Variants in CTIF observed in about 807,000 individuals in gnomAD.
CTIF encodes the protein CBP80/20-dependent translation initiation factor.
Under a neutral mutation model 66.0 loss-of-function variants are expected in CTIF, and 21 were observed. That is an observed-to-expected ratio of 0.32 (90% CI 0.23 to 0.46). The LOEUF (loss-of-function observed/expected upper bound fraction) is 0.46, where lower values mean the gene tolerates loss of function less well. Ranked by LOEUF, CTIF falls within the 20% of genes least tolerant of loss-of-function variation. The pLI is 1.00. For synonymous variants in CTIF, 345 were observed against 326.4 expected (o/e 1.06, Z -0.62); for missense variants, 739 against 812.7 (o/e 0.91, Z 1.10).
chr18:48,860,836 C>T lies in CTIF; in HGVS notation c.*1277C>T, dbSNP rs1301480351. The T allele has an allele frequency of 6.6e-6, 1 of 152,174 alleles. No individual in the cohort carries two copies. The highest frequency in any genetic ancestry group is 1.5e-5 in the Non-Finnish European group (1 of 68,054). 9.4% of individuals were successfully genotyped at this position (152,174 alleles called of 1,614,324 possible). On this transcript the variant is annotated 3_prime_UTR_variant, in exon 12 of 12. Coordinates refer to ENST00000256413, the MANE Select transcript of CTIF (RefSeq NM_014772.3). ...CAGCGGGGTCGCCAGATGAAGCTTCCCAGCCGGGAAACAAGACGGGGTTTC... is the reference window on the plus strand; with the variant it reads ...CAGCGGGGTCGCCAGATGAAGCTTCTCAGCCGGGAAACAAGACGGGGTTTC...
intron 1 of CTIF, among the ~76,000 whole-genome samples, chr18:48,616,649 T>G (rs879661287): frequency 1.6e-4 from 24 of 152,102 alleles, no homozygotes; most frequent in Admixed American, 1.1e-3. Context: ...GTGAAGTGAG[T>G]GGAGGCAGAT....
At chr18:48,573,990 C>T (rs969442834) in intron 1 of CTIF, among the ~76,000 whole-genome samples, 10 of 152,232 alleles carry the variant, frequency 6.6e-5, no homozygotes, top group Non-Finnish European at 7.3e-5. Context: ...CCATACAGGT[C>T]ACCTTCCACG....
At chr18:48,759,308 TC>T (rs1285228832) in intron 8 of CTIF, among the ~76,000 whole-genome samples, 2 of 152,098 alleles carry the variant, frequency 1.3e-5, no homozygotes, top group Admixed American at 1.3e-4. Flanking sequence ...TCCTGGGGCT[TC>T]CGCAGAGCTC....
intron 1 of CTIF, among the ~76,000 whole-genome samples, chr18:48,586,536 G>A (rs1360069330): frequency 6.6e-6 from 1 of 151,988 alleles, no homozygotes; most frequent in African/African-American, 2.4e-5. Context: ...CTCCCAAAGT[G>A]CTGGGATTAT....
At chr18:48,704,793 C>T (rs1032763448) in intron 6 of CTIF, among the ~76,000 whole-genome samples, 1 of 152,208 alleles carries the variant, frequency 6.6e-6, no homozygotes, top group African/African-American at 2.4e-5. Context: ...TCAGGCCATT[C>T]AGAGGAACCA....
intron 7 of CTIF, among the ~76,000 whole-genome samples, chr18:48,722,558 C>T (rs1484076514): frequency 6.6e-6 from 1 of 152,048 alleles, no homozygotes; most frequent in Non-Finnish European, 1.5e-5. Context: ...CCCAGGACCG[C>T]AAGATTCACA....
chr18:48,727,839 A>G (rs999136368), intron 7 of CTIF, among the ~76,000 whole-genome samples: 4 of 152,222 alleles, frequency 2.6e-5, no homozygotes, highest in South Asian at 2.1e-4. Context: ...TCTTTGGACT[A>G]TGCTTTCCTG....
At position 48,768,300 on chromosome 18, in the gene CTIF, G is replaced by A. The variant is rs558019755; in HGVS notation, c.1371+6611G>A. ...TGGCCAGAATCCTGGCTGAGTTATCGGCTGTCCCCAGCTCCTGGCTTCATG... is the reference window on the plus strand; with the variant it reads ...TGGCCAGAATCCTGGCTGAGTTATCAGCTGTCCCCAGCTCCTGGCTTCATG... On this transcript the variant is annotated intron_variant, in intron 9 of 11. Coordinates refer to ENST00000256413, the MANE Select transcript of CTIF (RefSeq NM_014772.3). Among the ~76,000 whole-genome samples, 7 of 152,222 alleles carry A rather than the reference G, an allele frequency of 4.6e-5. No homozygotes were observed. In the South Asian group the frequency reaches 6.2e-4, roughly 14 times the overall value.
At chr18:48,621,121 G>A (rs1335345145) in intron 2 of CTIF, among the ~76,000 whole-genome samples, 2 of 152,144 alleles carry the variant, frequency 1.3e-5, no homozygotes, top group African/African-American at 2.4e-5. Context: ...TCTAGGACTC[G>A]TATCTAGGAT....
At chr18:48,799,052 A>G (rs1247135388) in intron 9 of CTIF, among the ~76,000 whole-genome samples, 1 of 152,156 alleles carries the variant, frequency 6.6e-6, no homozygotes, top group Non-Finnish European at 1.5e-5. Flanking sequence ...CAGCAGGGCT[A>G]TGAGTGGAGA....
At chr18:48,787,993 G>A (rs373363520) in intron 9 of CTIF, among the ~76,000 whole-genome samples, 49 of 152,250 alleles carry the variant, frequency 3.2e-4, no homozygotes, top group African/African-American at 1.2e-3. Flanking sequence ...GGATCTCAGC[G>A]GGAGGTGAGG....
At chr18:48,825,015 A>G (rs1306089770) in intron 10 of CTIF, among the ~76,000 whole-genome samples, 1 of 152,014 alleles carries the variant, frequency 6.6e-6, no homozygotes, top group Admixed American at 6.6e-5. Context: ...TCTCCCCTGA[A>G]CATCCCACCT....
chr18:48,544,390 G>T (rs1568021963), intron 1 of CTIF, among the ~76,000 whole-genome samples: 1 of 152,226 alleles, frequency 6.6e-6, no homozygotes, highest in South Asian at 2.1e-4. Flanking sequence ...GTAAGCAGTA[G>T]AGCAGGGATA....
intron 7 of CTIF, among the ~76,000 whole-genome samples, chr18:48,728,342 G>A (rs570136067): frequency 6.6e-6 from 1 of 152,278 alleles, no homozygotes; most frequent in African/African-American, 2.4e-5. Flanking sequence ...ACATTGCAGA[G>A]TTTCACTATG....
rs549572692 is a variant in CTIF at position 48,811,048 on chromosome 18, G to A, written c.1372-6173G>A. ...GCTTAAGAAAGATGCAATAACCTGT[G>A]AATCCTTATGGCCTAAATTAGGAAA... is the stretch of plus-strand genomic sequence containing the variant. On this transcript the variant is annotated intron_variant, in intron 9 of 11. Coordinates refer to ENST00000256413, the MANE Select transcript of CTIF (RefSeq NM_014772.3). Among the ~76,000 whole-genome samples the A allele has an allele frequency of 2.0e-5, 3 of 152,040 alleles. No homozygotes were observed. In the East Asian group the frequency reaches 5.8e-4, roughly 29 times the overall value.
chr18:48,715,470 G>A (rs2092271058), intron 7 of CTIF, among the ~76,000 whole-genome samples: 1 of 152,198 alleles, frequency 6.6e-6, no homozygotes, highest in African/African-American at 2.4e-5. Flanking sequence ...CCCCATGCAA[G>A]TTGGAGACCT....
intron 3 of CTIF, among the ~76,000 whole-genome samples, chr18:48,662,882 A>G (rs992744798): frequency 6.6e-6 from 1 of 152,100 alleles, no homozygotes. Flanking sequence ...TGAACATACC[A>G]CGGTTTATTT....
intron 1 of CTIF, among the ~76,000 whole-genome samples, chr18:48,615,266 C>G (rs2090377397): frequency 6.6e-6 from 1 of 152,168 alleles, no homozygotes; most frequent in Non-Finnish European, 1.5e-5. Context: ...GGCTGTACTT[C>G]CAGGCTGAGA....
At chr18:48,573,698 C>T (rs1242217561) in intron 1 of CTIF, among the ~76,000 whole-genome samples, 5 of 152,196 alleles carry the variant, frequency 3.3e-5, no homozygotes, top group Admixed American at 3.3e-4. Context: ...TCCAGGTTGA[C>T]ACATGGTGGC....
Sources: gnomAD v4.1 joint callset for allele counts (sites outside exome capture counted in the v4.1 genomes callset) on GRCh38, gnomAD v4.1.1 for gene constraint, MANE v1.5 for transcripts, NCBI Gene and HGNC (gene_info 2026-07-23, HGNC 2026-07-21) for gene names.